The following PIGK variants were observed in gnomAD, a reference collection of about 807,000 sequenced individuals.
The protein encoded by PIGK is GPI-anchor transamidase.
PIGK carries 42 observed loss-of-function variants against 50.6 expected under a neutral mutation model. The ratio of observed to expected loss-of-function variants is 0.83; its 90% CI spans 0.65 to 1.07. PIGK has a LOEUF of 1.07. PIGK is among the 50% of genes least tolerant of loss of function. PIGK has a pLI of 0.00. For synonymous variants in PIGK, 151 were observed against 156.0 expected, an observed-to-expected ratio of 0.97 and a Z score of 0.24; for missense variants, 448 against 488.7, an observed-to-expected ratio of 0.92 and a Z score of 0.78.
intron 9 of PIGK, among the ~76,000 whole-genome samples, chr1:77,127,031 A>G (rs1303692241): frequency 6.6e-6 from 1 of 152,222 alleles, no homozygotes; most frequent in Non-Finnish European, 1.5e-5. Context: ...TTTTTTAAAT[A>G]GAGATTTTGT....
At chr1:77,151,174 G>GAT (rs1654886689) in intron 9 of PIGK, among the ~76,000 whole-genome samples, 1 of 151,924 alleles carries the variant, frequency 6.6e-6, no homozygotes, top group Non-Finnish European at 1.5e-5. Context: ...ATTCATCCCA[G>GAT]ATATGCAATA....
chr1:77,195,252 G>C, intron 3 of PIGK: 1 of 1,279,158 alleles, frequency 7.8e-7, no homozygotes, highest in Non-Finnish European at 1.1e-6. Context: ...CAGCTGTGGA[G>C]ACCTTGGGGC....
At chr1:77,107,995 G>T (rs1417696942) in intron 10 of PIGK, among the ~76,000 whole-genome samples, 4 of 152,122 alleles carry the variant, frequency 2.6e-5, no homozygotes, top group African/African-American at 9.7e-5. Context: ...CTGCACATGA[G>T]ATGGGTTTCC....
intron 6 of PIGK, among the ~76,000 whole-genome samples, chr1:77,162,295 G>C (rs568248747): frequency 6.6e-6 from 1 of 152,276 alleles, no homozygotes; most frequent in African/African-American, 2.4e-5. Context: ...AAGCAGATCA[G>C]AGAAAGGTGA....
intron 3 of PIGK, chr1:77,194,775 T>G (rs1401035774): frequency 8.4e-6 from 3 of 357,506 alleles, no homozygotes; most frequent in Non-Finnish European, 1.6e-5. Context: ...CATATGTACC[T>G]CCTGAACCTA....
At chr1:77,135,701 T>G (rs1448931939) in intron 9 of PIGK, among the ~76,000 whole-genome samples, 1 of 151,974 alleles carries the variant, frequency 6.6e-6, no homozygotes, top group East Asian at 1.9e-4. Context: ...TTCCTCTATT[T>G]CTATTCATTT....
At chr1:77,183,321 C>T (rs182256380) in intron 3 of PIGK, among the ~76,000 whole-genome samples, 4 of 152,310 alleles carry the variant, frequency 2.6e-5, no homozygotes, top group East Asian at 1.9e-4. Context: ...ATCCCCTCTC[C>T]GACCCATGCT....
chr1:77,188,153 G>A (rs933928313), intron 3 of PIGK, among the ~76,000 whole-genome samples: 4 of 152,308 alleles, frequency 2.6e-5, no homozygotes, highest in Admixed American at 6.5e-5. Flanking sequence ...AACAGCAATT[G>A]TTCAGGGAAT....
intron 9 of PIGK, among the ~76,000 whole-genome samples, chr1:77,149,464 TA>T (rs145552467): frequency 0.013 from 1,923 of 151,948 alleles, 38 homozygotes; most frequent in African/African-American, 0.044. Context: ...TTATATCAGA[TA>T]AAACAGACTT....
rs968040429 is a variant in PIGK, at chr1:77,201,431, A to C, written c.239+5209T>G. On this transcript the variant is annotated intron_variant, in intron 3 of 10. Coordinates refer to ENST00000370812, the MANE Select transcript of PIGK (RefSeq NM_005482.3). ...GCCCTGGTAAGATTGCCCCAGCCATAGATCCCTCAAGAATAAGTTAGAAGA... is the reference window on the plus strand; with the variant it reads ...GCCCTGGTAAGATTGCCCCAGCCATCGATCCCTCAAGAATAAGTTAGAAGA... Among the ~76,000 whole-genome samples the C allele has an allele frequency of 3.9e-5, 6 of 152,330 alleles. No homozygotes were observed. The East Asian group carries it at 1.2e-3, about 29-fold the overall frequency.
At chr1:77,105,737 G>C (rs1653654383) in intron 10 of PIGK, among the ~76,000 whole-genome samples, 1 of 152,170 alleles carries the variant, frequency 6.6e-6, no homozygotes, top group Non-Finnish European at 1.5e-5. Context: ...ACATAGCCAT[G>C]CTCTTTCATT....
rs1331511393 is a variant in PIGK at position 77,096,295 on chromosome 1, T to C, written c.1072-3805A>G. Reference sequence around the variant, plus strand: ...TGTATGTTAGATTGATGGGCAAACATGGCCCTAATTACCCATTCTTGGCTG... The same window carrying C: ...TGTATGTTAGATTGATGGGCAAACACGGCCCTAATTACCCATTCTTGGCTG... On this transcript the variant is annotated intron_variant, in intron 10 of 10. Coordinates refer to ENST00000370812, the MANE Select transcript of PIGK (RefSeq NM_005482.3). Among the ~76,000 whole-genome samples, 3 of 152,166 alleles carry C rather than the reference T, an allele frequency of 2.0e-5. No individual in the cohort carries two copies. In the East Asian group the frequency reaches 5.8e-4, roughly 29 times the overall value.
chr1:77,154,723 T>C, intron 8 of PIGK, 102 bp from the exon 9 acceptor site: 1 of 752,938 alleles, frequency 1.3e-6, no homozygotes, highest in Non-Finnish European at 2.2e-6. Flanking sequence ...TTTAAAACTC[T>C]CCCAACCTAA....
chr1:77,118,578 A>T (rs1427385620), intron 10 of PIGK, among the ~76,000 whole-genome samples: 1 of 152,214 alleles, frequency 6.6e-6, no homozygotes, highest in Non-Finnish European at 1.5e-5. Flanking sequence ...AAATTTTGCC[A>T]ACATACTTTT....
At chr1:77,125,184 G>A (rs1399235710) in intron 9 of PIGK, among the ~76,000 whole-genome samples, 3 of 152,064 alleles carry the variant, frequency 2.0e-5, no homozygotes, top group Non-Finnish European at 4.4e-5. Flanking sequence ...TTTGAAATCT[G>A]GCAACTTGTT....
At chr1:77,110,833 G>A (rs1164721022) in intron 10 of PIGK, among the ~76,000 whole-genome samples, 1 of 152,036 alleles carries the variant, frequency 6.6e-6, no homozygotes, top group African/African-American at 2.4e-5. Context: ...AACCTACAGA[G>A]TGGGAGAAAA....
chr1:77,136,658 T>C (rs1348187164), intron 9 of PIGK, among the ~76,000 whole-genome samples: 1 of 152,232 alleles, frequency 6.6e-6, no homozygotes, highest in African/African-American at 2.4e-5. Flanking sequence ...TTCTAAAATG[T>C]TCACATGAAG....
At chr1:77,195,364 C>T (rs1240500982) in intron 3 of PIGK, 1 of 1,241,726 alleles carries the variant, frequency 8.1e-7, no homozygotes, top group Non-Finnish European at 1.2e-6. Context: ...ACAGGCACTT[C>T]TCCAGGACTA....
chr1:77,130,519 G>C (rs187047873), intron 9 of PIGK, among the ~76,000 whole-genome samples: 1 of 151,702 alleles, frequency 6.6e-6, no homozygotes, highest in Non-Finnish European at 1.5e-5. Context: ...CACATATATC[G>C]TTATGCATGA....
Sources: gnomAD v4.1 joint callset for allele counts (sites outside exome capture counted in the v4.1 genomes callset) on GRCh38, gnomAD v4.1.1 for gene constraint, MANE v1.5 for transcripts, NCBI Gene and HGNC (gene_info 2026-07-23, HGNC 2026-07-21) for gene names.